Variants in CDKAL1 observed in about 807,000 individuals in gnomAD.
CDKAL1 encodes the protein threonylcarbamoyladenosine tRNA methylthiotransferase.
CDKAL1 carries 32 observed loss-of-function variants against 68.2 expected under a neutral mutation model. The ratio of observed to expected loss-of-function variants is 0.47; its 90% CI spans 0.35 to 0.63. CDKAL1 has a LOEUF of 0.63. Ranked by LOEUF, CDKAL1 falls within the 30% of genes least tolerant of loss-of-function variation. CDKAL1 has a pLI of 0.00. For synonymous variants in CDKAL1, 234 were observed against 244.3 expected (o/e 0.96, Z 0.39); for missense variants, 606 against 696.7 (o/e 0.87, Z 1.47).
chr6:20,956,828 TTTA>T (rs1315007193), intron 10 of CDKAL1, among the ~76,000 whole-genome samples: 5 of 152,174 alleles, frequency 3.3e-5, no homozygotes. Context: ...CAATTTTAAT[TTTA>T]TTATTTACAT....
At chr6:20,903,083 A>G (rs560064901) in intron 9 of CDKAL1, among the ~76,000 whole-genome samples, 3 of 152,262 alleles carry the variant, frequency 2.0e-5, no homozygotes, top group South Asian at 2.1e-4. Context: ...TGTTTTTAGC[A>G]TATCTGCTTG....
chr6:21,089,067 C>T (rs146034559), intron 12 of CDKAL1, among the ~76,000 whole-genome samples: 97 of 152,320 alleles, frequency 6.4e-4, no homozygotes, highest in African/African-American at 2.1e-3. Context: ...AAATTAAAAT[C>T]GTAGCATTTA....
At chr6:20,654,300 T>G (rs979565516) in intron 5 of CDKAL1, among the ~76,000 whole-genome samples, 16 of 113,376 alleles carry the variant, frequency 1.4e-4, no homozygotes, top group Non-Finnish European at 3.0e-4. Context: ...ATTTTTCTGG[T>G]TTTTTTTTTT....
chr6:20,890,049 C>T lies in CDKAL1; in HGVS notation c.742+43871C>T, dbSNP rs114457683. Among the ~76,000 whole-genome samples the T allele has an allele frequency of 4.0e-3, 607 of 152,092 alleles. 9 individuals are homozygous for T. Among genetic ancestry groups the T allele is most frequent in the African/African-American group, 0.014 (564 of 41,486 alleles). On this transcript the variant is annotated intron_variant, in intron 9 of 15. Coordinates refer to ENST00000274695, the MANE Select transcript of CDKAL1 (RefSeq NM_017774.3). Reference sequence around the variant, plus strand: ...GATCACATGCATGAGCTACCGTGCCCGGGCTACATTTCCATTTATGTAGAT... The same window carrying T: ...GATCACATGCATGAGCTACCGTGCCTGGGCTACATTTCCATTTATGTAGAT...
intron 13 of CDKAL1, among the ~76,000 whole-genome samples, chr6:21,152,213 C>T (rs371010361): frequency 6.6e-6 from 1 of 152,310 alleles, no homozygotes; most frequent in African/African-American, 2.4e-5. Flanking sequence ...CCCCTAAACT[C>T]TCAATCAGAT....
chr6:21,181,029 G>C (rs1777768110), intron 13 of CDKAL1, among the ~76,000 whole-genome samples: 1 of 152,166 alleles, frequency 6.6e-6, no homozygotes, highest in Admixed American at 6.5e-5. Flanking sequence ...GAGATCATGT[G>C]GTGAAGAGCA....
intron 9 of CDKAL1, among the ~76,000 whole-genome samples, chr6:20,910,838 A>G (rs576305747): frequency 6.6e-6 from 1 of 152,344 alleles, no homozygotes; most frequent in South Asian, 2.1e-4. Context: ...ACACATGCAC[A>G]CAGGGAGAAG....
rs528818068 is a variant in CDKAL1 at position 21,225,784 on chromosome 6, T to C, written c.1549-5064T>C. On this transcript the variant is annotated intron_variant, in intron 15 of 15. Transcript: ENST00000274695. Reference sequence around the variant, plus strand: ...AAGGAACAAAAATAGCACGGGTCAATTCTATTTTAGAAGCAAATAAAATAA... The same window carrying C: ...AAGGAACAAAAATAGCACGGGTCAACTCTATTTTAGAAGCAAATAAAATAA... 8.5e-5 allele frequency among the ~76,000 whole-genome samples: 13 copies of C among 152,302 alleles called. No homozygotes were observed. The East Asian group carries it at 2.5e-3, about 29-fold the overall frequency.
chr6:20,606,546 A>G (rs936548490), intron 4 of CDKAL1, among the ~76,000 whole-genome samples: 3 of 152,248 alleles, frequency 2.0e-5, no homozygotes, highest in East Asian at 1.9e-4. Context: ...TTAAATAAAT[A>G]CAGGGTGAGA....
intron 13 of CDKAL1, among the ~76,000 whole-genome samples, chr6:21,121,118 T>A (rs1272007879): frequency 1.3e-5 from 2 of 152,278 alleles, no homozygotes; most frequent in Admixed American, 1.3e-4. Context: ...CTATACACCA[T>A]GTCAACTAAC....
intron 10 of CDKAL1, among the ~76,000 whole-genome samples, chr6:20,980,990 G>C (rs895806107): frequency 1.3e-5 from 2 of 152,142 alleles, no homozygotes; most frequent in Non-Finnish European, 2.9e-5. Flanking sequence ...CTCAAGAGAT[G>C]GACTTAGAAA....
intron 12 of CDKAL1, among the ~76,000 whole-genome samples, chr6:21,104,885 A>G (rs1287574931): frequency 6.6e-6 from 1 of 152,256 alleles, no homozygotes; most frequent in African/African-American, 2.4e-5. Flanking sequence ...AAGTCACACA[A>G]AACAACTTCT....
chr6:20,648,090 AT>A (rs889650478), intron 4 of CDKAL1, among the ~76,000 whole-genome samples: 5 of 140,134 alleles, frequency 3.6e-5, no homozygotes, highest in South Asian at 2.3e-4. Flanking sequence ...AAAAAAAAAT[AT>A]TTTTTTTTGC....
chr6:21,179,410 G>T (rs1031260485), intron 13 of CDKAL1, among the ~76,000 whole-genome samples: 1 of 152,134 alleles, frequency 6.6e-6, no homozygotes, highest in African/African-American at 2.4e-5. Flanking sequence ...TAATCATGAG[G>T]ACACCTATAC....
intron 6 of CDKAL1, 141 bp from the exon 7 acceptor site, chr6:20,758,454 T>C: frequency 1.7e-6 from 1 of 604,260 alleles, no homozygotes. Context: ...AGGATATTTT[T>C]TATAGTGTCT....
At chr6:20,689,734 T>C (rs974266842) in intron 5 of CDKAL1, among the ~76,000 whole-genome samples, 3 of 152,218 alleles carry the variant, frequency 2.0e-5, no homozygotes, top group African/African-American at 7.2e-5. Context: ...AAATTTCATG[T>C]ATCTGTGCTC....
chr6:21,086,409 A>T (rs1322399466), intron 12 of CDKAL1, among the ~76,000 whole-genome samples: 3 of 152,214 alleles, frequency 2.0e-5, no homozygotes, highest in Non-Finnish European at 4.4e-5. Context: ...TTACTCATTT[A>T]AAGACAAAAT....
intron 4 of CDKAL1, among the ~76,000 whole-genome samples, chr6:20,569,141 A>G (rs535684363): frequency 6.6e-6 from 1 of 152,344 alleles, no homozygotes; most frequent in South Asian, 2.1e-4. Context: ...TTACTGTTAG[A>G]TGTAAAACGT....
In CDKAL1 at chr6:21,139,247, C is replaced by T. The variant is rs1299351036; in HGVS notation, c.1299+30784C>T. ...AGTGGCTACTTTTGATGACTTCTGACCCACAAAGAGATCCACAAATCACTG... is the reference window on the plus strand; with the variant it reads ...AGTGGCTACTTTTGATGACTTCTGATCCACAAAGAGATCCACAAATCACTG... On this transcript the variant is annotated intron_variant, in intron 13 of 15. Coordinates refer to ENST00000274695, the MANE Select transcript of CDKAL1 (RefSeq NM_017774.3). 2.6e-5 allele frequency among the ~76,000 whole-genome samples: 4 copies of T among 152,238 alleles called. No individual in the cohort carries two copies. In the East Asian group the frequency reaches 5.8e-4, roughly 22 times the overall value.
Sources: allele counts gnomAD v4.1 joint callset (sites outside exome capture counted in the v4.1 genomes callset), GRCh38; gene constraint gnomAD v4.1.1; transcripts MANE v1.5; gene names NCBI Gene and HGNC (gene_info 2026-07-23, HGNC 2026-07-21).